The following NCR1 variants were observed in gnomAD, a reference collection of about 807,000 sequenced individuals.
The protein encoded by NCR1 is NK cell-activating receptor.
NCR1 carries 30 observed loss-of-function variants against 32.5 expected under a neutral mutation model. That is an observed-to-expected ratio of 0.92 (90% CI 0.69 to 1.25). The LOEUF (loss-of-function observed/expected upper bound fraction) is 1.25. Among genes scored for constraint, NCR1 ranks in the 50% most tolerant of loss-of-function variants. The pLI, the probability that NCR1 is intolerant of heterozygous loss-of-function variation, is 0.00. For missense variants in NCR1, 369 were observed against 380.7 expected (o/e 0.97, Z 0.26); for synonymous variants, 169 against 143.4 (o/e 1.18, Z -1.28).
At chr19:54,937,892 C>T in the NCR1 span, 29 of 695,544 alleles carry the variant, frequency 4.2e-5, no homozygotes, top group Admixed American at 2.9e-4. Context: ...AGTAAATCTC[C>T]GTCTCACCAA....
chr19:54,937,954 G>A, the NCR1 span: 2 of 777,086 alleles, frequency 2.6e-6, no homozygotes, highest in African/African-American at 1.8e-5. Flanking sequence ...ACATGGAGAT[G>A]AAACAGCACA....
the NCR1 span, chr19:54,923,661 C>T: frequency 6.7e-6 from 10 of 1,488,250 alleles, no homozygotes; most frequent in African/African-American, 1.4e-5. Context: ...AACATGTGAC[C>T]CTCTGACCTG....
chr19:54,905,520 T>C (rs142399570), upstream of NCR1, among the ~76,000 whole-genome samples: 11 of 152,292 alleles, frequency 7.2e-5, no homozygotes, highest in Admixed American at 1.3e-4. Flanking sequence ...AGTTATTCAA[T>C]TGAGACATGC....
upstream of NCR1, among the ~76,000 whole-genome samples, chr19:54,903,545 C>G (rs1045314020): frequency 7.6e-6 from 1 of 131,280 alleles, no homozygotes; most frequent in South Asian, 2.3e-4. Flanking sequence ...TGCATGTATG[C>G]ATGTGTGTAT....
rs746281091 is a variant in NCR1, at chr19:54,906,326, C to T, written c.62C>T (p.Ala21Val). 1 of 1,613,826 alleles carries T rather than the reference C, an allele frequency of 6.2e-7. No individual in the cohort carries two copies. The highest frequency in any genetic ancestry group is 1.7e-5 in the Admixed American group (1 of 60,004). The change falls in exon 2 of 7, where the codon GCC becomes GTC. Residue 21 changes from alanine to valine, a missense_variant. Transcript: ENST00000291890. ...CTGTGTCTGAGTCAGAGGATCAGCG[C>T]CCAGCAGCGTGAGTCCTTCCTTCAA... is the stretch of plus-strand genomic sequence containing the variant. ...VGLCLSQRIS[A>V]QQQTLPKPFI... is the part of the protein sequence containing the mutation.
chr19:54,903,337 T>TATATACATATATGC (rs1556716400), upstream of NCR1, among the ~76,000 whole-genome samples: 1 of 123,298 alleles, frequency 8.1e-6, no homozygotes, highest in African/African-American at 3.3e-5. Flanking sequence ...TACATGTATG[T>TATATACATATATGC]ATATACATAT....
the NCR1 span, chr19:54,930,436 T>TG: frequency 8.4e-7 from 1 of 1,194,696 alleles, no homozygotes; most frequent in African/African-American, 1.5e-5. Flanking sequence ...CACTCCAGGC[T>TG]GGGGGACAGA....
chr19:54,930,327 T>C, the NCR1 span, among the ~76,000 whole-genome samples: 23 of 151,492 alleles, frequency 1.5e-4, no homozygotes, highest in African/African-American at 5.3e-4. Context: ...CTGGCCATGG[T>C]AATACATGCC....
chr19:54,904,392 G>C (rs1191525236), upstream of NCR1, among the ~76,000 whole-genome samples: 1 of 151,858 alleles, frequency 6.6e-6, no homozygotes, highest in African/African-American at 2.4e-5. Flanking sequence ...GGTTTTTTAT[G>C]AGTATATTGC....
Position 54,906,517 on chromosome 19 carries a change from T to G in NCR1, c.71-6T>G. 2 of 1,604,768 alleles carry G rather than the reference T, an allele frequency of 1.2e-6. No individual in the cohort carries two copies. Among genetic ancestry groups the G allele is most frequent in the Non-Finnish European group, 1.7e-6 (2 of 1,179,612 alleles). The stretch of plus-strand genomic sequence containing the variant: ...GCTGGAACTCCAGCCTCTGATTCCC[T>G]TCCAGAGACTCTCCCAAAACCGTTC... On this transcript the variant is annotated splice_region_variant and splice_polypyrimidine_tract_variant and intron_variant, in intron 2 of 6. Transcript: ENST00000291890.
chr19:54,902,814 G>C (rs189931717), upstream of NCR1, among the ~76,000 whole-genome samples: 9 of 151,494 alleles, frequency 5.9e-5, no homozygotes, highest in Admixed American at 5.3e-4. Flanking sequence ...CGCCAGCACC[G>C]AGTACTGAAT....
chr19:54,919,714 A>AGGCCC, downstream of NCR1, among the ~76,000 whole-genome samples: 1 of 100,068 alleles, frequency 1.0e-5, no homozygotes, highest in African/African-American at 3.7e-5. Flanking sequence ...GGAAAGGGAG[A>AGGCCC]CCCCCCCCCC....
intron 3 of NCR1, among the ~76,000 whole-genome samples, chr19:54,908,357 G>C (rs2067746070): frequency 6.6e-6 from 1 of 152,212 alleles, no homozygotes; most frequent in Non-Finnish European, 1.5e-5. Flanking sequence ...TCTTAGTACA[G>C]AACAAAATGG....
chr19:54,936,931 C>T, the NCR1 span, among the ~76,000 whole-genome samples: 14 of 146,900 alleles, frequency 9.5e-5, no homozygotes, highest in Admixed American at 1.4e-4. Flanking sequence ...AAAAAAAATT[C>T]GCCGGGTGTG....
chr19:54,928,526 A>G, the NCR1 span, among the ~76,000 whole-genome samples: 1 of 152,324 alleles, frequency 6.6e-6, no homozygotes, highest in African/African-American at 2.4e-5. Context: ...GATATGTTCT[A>G]TTGAAGACAA....
Position 54,906,450 on chromosome 19 carries a change from C to G in NCR1, c.71-73C>G, listed in dbSNP as rs1373909901. 3 of 1,599,718 alleles carry G rather than the reference C, an allele frequency of 1.9e-6. No homozygotes were observed. In the African/African-American group the frequency reaches 4.0e-5, roughly 21 times the overall value. On this transcript the variant is annotated intron_variant, in intron 2 of 6. Coordinates refer to ENST00000291890, the MANE Select transcript of NCR1 (RefSeq NM_004829.7). ...GCTGGCTTCCCAGGAGAGCTTGGGG[C>G]CAGCAGCTGGGTGGAGCCTAAGGTT...
At chr19:54,936,689 C>A in the NCR1 span, among the ~76,000 whole-genome samples, 1 of 151,820 alleles carries the variant, frequency 6.6e-6, no homozygotes. Context: ...CCGAGGCAGG[C>A]AGATCGCCTG....
the NCR1 span, among the ~76,000 whole-genome samples, chr19:54,928,864 G>A: frequency 9.9e-5 from 15 of 151,880 alleles, no homozygotes; most frequent in Non-Finnish European, 1.9e-4. Context: ...GTGCAATGGC[G>A]TGATCTCGGC....
At chr19:54,899,961 T>C in the NCR1 span, among the ~76,000 whole-genome samples, 1 of 151,854 alleles carries the variant, frequency 6.6e-6, no homozygotes, top group Non-Finnish European at 1.5e-5. Context: ...AAGGGAGAGA[T>C]TGAAGAGTGG....
Sources: allele counts gnomAD v4.1 joint callset (sites outside exome capture counted in the v4.1 genomes callset), GRCh38; gene constraint gnomAD v4.1.1; transcripts MANE v1.5; gene names NCBI Gene and HGNC (gene_info 2026-07-23, HGNC 2026-07-21).